Variants in PATJ observed in about 807,000 individuals in gnomAD.
The protein encoded by PATJ is inaD-like protein.
Under a neutral mutation model 224.9 loss-of-function variants are expected in PATJ, and 190 were observed. The ratio of observed to expected loss-of-function variants is 0.84; its 90% confidence interval spans 0.75 to 0.95. PATJ has a LOEUF of 0.95. Among genes scored for constraint, PATJ ranks in the 40% least tolerant of loss-of-function variants. The probability of loss-of-function intolerance (pLI) is 0.00; values close to 1 mark genes in which losing one functional copy is unlikely to be tolerated. For synonymous variants in PATJ, 769 were observed against 820.3 expected, an observed-to-expected ratio of 0.94 and a Z score of 1.07; for missense variants, 2,121 against 2,270.3, an observed-to-expected ratio of 0.93 and a Z score of 1.34.
At chr1:61,992,135 G>A (rs946960895) in intron 28 of PATJ, among the ~76,000 whole-genome samples, 1 of 67,554 alleles carries the variant, frequency 1.5e-5, no homozygotes, top group Admixed American at 1.5e-4. Flanking sequence ...TTTTTTTTTT[G>A]AGACGGAGTT....
At chr1:61,813,745 T>C (rs938076155) in intron 14 of PATJ, among the ~76,000 whole-genome samples, 1 of 152,120 alleles carries the variant, frequency 6.6e-6, no homozygotes, top group Non-Finnish European at 1.5e-5. Context: ...TTTGCAAGTT[T>C]AGATAGGTTG....
intron 41 of PATJ, among the ~76,000 whole-genome samples, chr1:62,147,961 CA>C (rs934684955): frequency 4.8e-5 from 7 of 145,674 alleles, no homozygotes. Context: ...GAAACTGTCT[CA>C]AAAAAAAAAT....
intron 3 of PATJ, among the ~76,000 whole-genome samples, chr1:61,763,807 C>T (rs535454596): frequency 3.3e-5 from 5 of 152,066 alleles, no homozygotes; most frequent in African/African-American, 1.2e-4. Flanking sequence ...TAGGTGTGTG[C>T]CACCACAGTT....
At chr1:61,952,454 T>C (rs1679857146) in intron 27 of PATJ, 1 of 717,022 alleles carries the variant, frequency 1.4e-6, no homozygotes, top group African/African-American at 1.7e-5. Context: ...TCTTTCGGAA[T>C]GCAATCTGAT....
intron 22 of PATJ, among the ~76,000 whole-genome samples, chr1:61,896,011 G>T (rs1670314372): frequency 6.6e-6 from 1 of 152,122 alleles, no homozygotes; most frequent in Non-Finnish European, 1.5e-5. Flanking sequence ...AAGATTTAAT[G>T]ATTATGGCCA....
At chr1:61,970,070 A>T (rs997098273) in intron 27 of PATJ, among the ~76,000 whole-genome samples, 4 of 142,560 alleles carry the variant, frequency 2.8e-5, no homozygotes, top group Non-Finnish European at 6.2e-5. Context: ...GGTTTTTTGT[A>T]TTTTTTTTTT....
chr1:61,944,593 C>T lies in PATJ; in HGVS notation c.3670+16764C>T, dbSNP rs571972789. The stretch of plus-strand genomic sequence containing the variant: ...GGACTATGTGAAAAGACCAAATCTA[C>T]GTCTGATTGGTGTACCTGAAAGTGA... On this transcript the variant is annotated intron_variant, in intron 27 of 43. Coordinates refer to ENST00000642238, the MANE Select transcript of PATJ (RefSeq NM_001350145.3). 7.2e-5 allele frequency among the ~76,000 whole-genome samples: 11 copies of T among 152,264 alleles called. 1 individual carries two copies. Among genetic ancestry groups the T allele is most frequent in the Non-Finnish European group, 1.0e-4 (7 of 68,024 alleles).
At chr1:61,986,424 T>C (rs1018624931) in intron 27 of PATJ, among the ~76,000 whole-genome samples, 7 of 152,056 alleles carry the variant, frequency 4.6e-5, no homozygotes, top group Non-Finnish European at 1.0e-4. Context: ...TTTATTTTTA[T>C]TTATTTACTT....
intron 23 of PATJ, 46 bp downstream of exon 23, chr1:61,899,700 A>G (rs1257413646): frequency 7.8e-7 from 1 of 1,289,344 alleles, no homozygotes; most frequent in African/African-American, 1.5e-5. Context: ...GAGCACAACC[A>G]GTTGCTCTTT....
intron 29 of PATJ, among the ~76,000 whole-genome samples, chr1:62,031,327 T>C (rs1649242497): frequency 6.6e-6 from 1 of 152,124 alleles, no homozygotes; most frequent in Non-Finnish European, 1.5e-5. Flanking sequence ...TATCCCAGAA[T>C]AGTACTGAGG....
rs779305398 is a variant in PATJ at position 62,125,254 on chromosome 1, CA to C, written c.5043+2205del. The stretch of plus-strand genomic sequence containing the variant: ...CCTGTCTCAAAAAAAAAAAAAAAAA[CA>C]AAAAAAAACAAAAAAAAAACGCCAT... On this transcript the variant is annotated intron_variant, in intron 39 of 43. Coordinates refer to ENST00000642238, the MANE Select transcript of PATJ (RefSeq NM_001350145.3). Among the ~76,000 whole-genome samples, 3 of 71,426 alleles carry C rather than the reference CA, an allele frequency of 4.2e-5. No individual in the cohort carries two copies. In the East Asian group the frequency reaches 1.5e-3, roughly 36 times the overall value. The allele number at this position is 71,426 out of a possible 152,430, so 46.9% of individuals were successfully genotyped here. A position where few individuals can be genotyped will look rare whatever the true frequency, so the allele number is the denominator to read the frequency against.
intron 27 of PATJ, among the ~76,000 whole-genome samples, chr1:61,936,298 C>G (rs1331998553): frequency 6.7e-6 from 1 of 150,170 alleles, no homozygotes; most frequent in Non-Finnish European, 1.5e-5. Flanking sequence ...AGTAGGAAAC[C>G]TATCCCAAAC....
At chr1:62,122,938 A>C (rs914842746) in intron 38 of PATJ, 83 bp from the exon 39 acceptor site, 1 of 852,386 alleles carries the variant, frequency 1.2e-6, no homozygotes, top group Admixed American at 2.7e-5. Flanking sequence ...CTAGAAAATG[A>C]AACCATTTTT....
At chr1:61,814,580 G>A (rs1655721982) in intron 14 of PATJ, among the ~76,000 whole-genome samples, 1 of 151,730 alleles carries the variant, frequency 6.6e-6, no homozygotes, top group South Asian at 2.1e-4. Flanking sequence ...GGGATAGAAG[G>A]GGTGTGTAGT....
chr1:61,860,249 T>C (rs996909245), intron 18 of PATJ, among the ~76,000 whole-genome samples: 3 of 151,468 alleles, frequency 2.0e-5, no homozygotes, highest in Admixed American at 6.6e-5. Context: ...AAAATAGAGA[T>C]GGGGTCTCTC....
At chr1:62,054,226 G>A (rs1357172216) in intron 31 of PATJ, 7 of 210,172 alleles carry the variant, frequency 3.3e-5, no homozygotes, top group African/African-American at 1.2e-4. Flanking sequence ...AGCTGAGTGT[G>A]GTGACAAGCA....
At chr1:62,043,759 C>A (rs556655953) in intron 30 of PATJ, among the ~76,000 whole-genome samples, 1 of 151,720 alleles carries the variant, frequency 6.6e-6, no homozygotes, top group African/African-American at 2.4e-5. Context: ...AACAGGATCT[C>A]GCTCTGTTGC....
chr1:61,893,735 A>C (rs557743640), intron 22 of PATJ, among the ~76,000 whole-genome samples: 14 of 151,990 alleles, frequency 9.2e-5, no homozygotes, highest in African/African-American at 3.4e-4. Context: ...ACTGCACTCC[A>C]GCCTGGGTAA....
chr1:62,084,750 T>G lies in PATJ; in HGVS notation c.4377+102T>G, dbSNP rs149313772. 1,193 of 1,131,916 alleles carry G rather than the reference T, an allele frequency of 1.1e-3. 6 individuals are homozygous for G. In the African/African-American group the frequency reaches 0.017, roughly 16 times the overall value. 70.1% of individuals were successfully genotyped at this position (1,131,916 alleles called of 1,614,324 possible). A position where few individuals can be genotyped will look rare whatever the true frequency, so the allele number is the denominator to read the frequency against. On this transcript the variant is annotated intron_variant, in intron 33 of 43. Coordinates refer to ENST00000642238, the MANE Select transcript of PATJ (RefSeq NM_001350145.3). ...TCTGCAAGACTTGCCTTTTTCATAG[T>G]ATGAGGAGAAAATGTGATTATAAAT...
Sources: allele counts gnomAD v4.1 joint callset (sites outside exome capture counted in the v4.1 genomes callset), GRCh38; gene constraint gnomAD v4.1.1; transcripts MANE v1.5; gene names NCBI Gene and HGNC (gene_info 2026-07-23, HGNC 2026-07-21).